Variants in AUTS2 observed in about 807,000 individuals in gnomAD.
AUTS2 encodes the protein autism susceptibility gene 2 protein.
AUTS2 carries 17 observed loss-of-function variants against 112.4 expected under a neutral mutation model. The ratio of observed to expected loss-of-function variants is 0.15; its 90% CI spans 0.10 to 0.23. The LOEUF (loss-of-function observed/expected upper bound fraction) is 0.23. Ranked by LOEUF, AUTS2 falls within the 10% of genes least tolerant of loss-of-function variation. AUTS2 has a pLI of 1.00. For missense variants in AUTS2, 1,510 were observed against 1,701.6 expected (o/e 0.89, Z 1.98); for synonymous variants, 751 against 702.7 (o/e 1.07, Z -1.09).
intron 5 of AUTS2, among the ~76,000 whole-genome samples, chr7:70,487,629 G>A (rs954351028): frequency 6.6e-5 from 10 of 152,186 alleles, no homozygotes; most frequent in Admixed American, 2.0e-4. Context: ...TGATGAGAGT[G>A]GAAGTGCGCA....
chr7:70,269,828 T>C (rs1205633131), intron 4 of AUTS2, among the ~76,000 whole-genome samples: 1 of 152,224 alleles, frequency 6.6e-6, no homozygotes, highest in African/African-American at 2.4e-5. Context: ...TGAGCCCTAC[T>C]ATTTGCTATT....
At chr7:70,681,799 G>A (rs1167726101) in intron 5 of AUTS2, among the ~76,000 whole-genome samples, 2 of 152,082 alleles carry the variant, frequency 1.3e-5, no homozygotes, top group Admixed American at 1.3e-4. Context: ...CTGGGAACGG[G>A]GGCTCCACCT....
intron 1 of AUTS2, among the ~76,000 whole-genome samples, chr7:69,844,068 A>G (rs978276179): frequency 1.3e-5 from 2 of 152,162 alleles, no homozygotes; most frequent in African/African-American, 2.4e-5. Flanking sequence ...TTATTCCCCT[A>G]TTCATCATTT....
chr7:70,092,354 A>G (rs1803964712), intron 2 of AUTS2, among the ~76,000 whole-genome samples: 1 of 152,130 alleles, frequency 6.6e-6, no homozygotes, highest in African/African-American at 2.4e-5. Context: ...TTCTGAAAGC[A>G]TTTGTTTATT....
intron 5 of AUTS2, among the ~76,000 whole-genome samples, chr7:70,459,881 A>G (rs1259387410): frequency 6.6e-6 from 1 of 152,146 alleles, no homozygotes; most frequent in Non-Finnish European, 1.5e-5. Context: ...CATGGTCCTC[A>G]TGGCAAAGCC....
At chr7:70,751,569 A>T in intron 6 of AUTS2, among the ~76,000 whole-genome samples, 1 of 152,160 alleles carries the variant, frequency 6.6e-6, no homozygotes, top group East Asian at 1.9e-4. Flanking sequence ...GGTCAATGAT[A>T]GCCTTGTCCT....
At chr7:70,412,875 C>T (rs1388546677) in intron 4 of AUTS2, among the ~76,000 whole-genome samples, 1 of 152,176 alleles carries the variant, frequency 6.6e-6, no homozygotes, top group African/African-American at 2.4e-5. Flanking sequence ...CCTGTAATCC[C>T]AGCTATTCGG....
intron 5 of AUTS2, among the ~76,000 whole-genome samples, chr7:70,535,118 G>A (rs988568769): frequency 3.3e-5 from 5 of 151,532 alleles, no homozygotes; most frequent in African/African-American, 1.2e-4. Flanking sequence ...CTAGTAAGCT[G>A]TGTGACCTTG....
At chr7:69,600,295 C>G (rs1036196378) in intron 1 of AUTS2, among the ~76,000 whole-genome samples, 11 of 152,086 alleles carry the variant, frequency 7.2e-5, no homozygotes, top group Non-Finnish European at 1.2e-4. Flanking sequence ...GCTCTGCCCC[C>G]ACTCCTTCCT....
intron 2 of AUTS2, among the ~76,000 whole-genome samples, chr7:70,047,027 C>T (rs984598671): frequency 2.6e-5 from 4 of 152,104 alleles, no homozygotes; most frequent in Admixed American, 1.3e-4. Flanking sequence ...AGACTCTGTA[C>T]AGCACTGTAG....
chr7:70,646,722 C>T (rs1806186251), intron 5 of AUTS2, among the ~76,000 whole-genome samples: 1 of 152,248 alleles, frequency 6.6e-6, no homozygotes, highest in Admixed American at 6.5e-5. Flanking sequence ...AGATTGACTC[C>T]GATGCAGTGC....
chr7:69,909,568 A>G (rs745434583), intron 2 of AUTS2, among the ~76,000 whole-genome samples: 2 of 152,186 alleles, frequency 1.3e-5, no homozygotes, highest in Non-Finnish European at 2.9e-5. Context: ...AATATTGCCC[A>G]TATCAGTGGA....
chr7:70,699,287 G>A (rs563021825), intron 6 of AUTS2: 2 of 152,318 alleles, frequency 1.3e-5, no homozygotes, highest in East Asian at 1.9e-4. Context: ...GCTCTGAAAG[G>A]TGTGTAATTT....
intron 1 of AUTS2, among the ~76,000 whole-genome samples, chr7:69,749,948 G>A (rs1405966036): frequency 6.6e-6 from 1 of 152,178 alleles, no homozygotes; most frequent in Non-Finnish European, 1.5e-5. Context: ...CTTTGAATTG[G>A]GCTGTAGGGG....
Position 70,766,598 on chromosome 7 carries a change from A to G in AUTS2, c.1689+264A>G, listed in dbSNP as rs1789963938. The stretch of plus-strand genomic sequence containing the variant: ...ATCTGCCCTCAAAACAGTCATGTCC[A>G]GTGTTGATGGCTAACTTCTTAAAGG... On this transcript the variant is annotated intron_variant, in intron 9 of 18. Coordinates refer to ENST00000342771, the MANE Select transcript of AUTS2 (RefSeq NM_015570.4). This position sits in a 1 kb window ranked among gnomAD's most constrained non-coding sequence, Gnocchi z 4.8. Among the ~76,000 whole-genome samples, 1 of 152,242 alleles carries G rather than the reference A, an allele frequency of 6.6e-6. No individual in the cohort carries two copies. Among genetic ancestry groups the G allele is most frequent in the African/African-American group, 2.4e-5 (1 of 41,468 alleles).
chr7:70,483,670 T>G (rs553926827), intron 5 of AUTS2, among the ~76,000 whole-genome samples: 1 of 152,276 alleles, frequency 6.6e-6, no homozygotes, highest in Non-Finnish European at 1.5e-5. Context: ...AAAATATTAT[T>G]TTACAGTTGT....
At chr7:70,532,380 C>T (rs1369046539) in intron 5 of AUTS2, among the ~76,000 whole-genome samples, 1 of 152,160 alleles carries the variant, frequency 6.6e-6, no homozygotes, top group Non-Finnish European at 1.5e-5. Context: ...TTCATGGTGC[C>T]TAGAATTTAC....
intron 2 of AUTS2, among the ~76,000 whole-genome samples, chr7:70,099,351 G>A (rs761079881): frequency 2.0e-5 from 3 of 152,168 alleles, no homozygotes; most frequent in Non-Finnish European, 4.4e-5. Context: ...AAATGTCAGC[G>A]TAGGTTAAAA....
At chr7:70,083,950 G>GA (rs1368566201) in intron 2 of AUTS2, among the ~76,000 whole-genome samples, 14 of 150,334 alleles carry the variant, frequency 9.3e-5, no homozygotes, top group South Asian at 8.5e-4. Flanking sequence ...CCATCTCAAA[G>GA]AAAAAAAAAT....
Sources: allele counts gnomAD v4.1 joint callset (sites outside exome capture counted in the v4.1 genomes callset), GRCh38; gene constraint gnomAD v4.1.1; non-coding constraint Gnocchi (gnomAD v3.1); transcripts MANE v1.5; gene names NCBI Gene and HGNC (gene_info 2026-07-23, HGNC 2026-07-21).